ZMAT4: variants seen among roughly 807,000 people sequenced by gnomAD.
ZMAT4 encodes the protein zinc finger matrin-type 4.
ZMAT4 carries 17 observed loss-of-function variants against 28.7 expected under a neutral mutation model. That is an observed-to-expected ratio of 0.59 (90% CI 0.41 to 0.89). The LOEUF (loss-of-function observed/expected upper bound fraction) is 0.89. Ranked by LOEUF, ZMAT4 falls within the 40% of genes least tolerant of loss-of-function variation. The probability of loss-of-function intolerance (pLI) is 0.00; values close to 1 mark genes in which losing one functional copy is unlikely to be tolerated. For missense variants in ZMAT4, 240 were observed against 283.8 expected (o/e 0.85, Z 1.11); for synonymous variants, 117 against 109.2 (o/e 1.07, Z -0.44).
intron 5 of ZMAT4, among the ~76,000 whole-genome samples, chr8:40,656,322 G>C (rs1213502801): frequency 6.6e-6 from 1 of 152,046 alleles, no homozygotes; most frequent in Non-Finnish European, 1.5e-5. Context: ...TATACGAATT[G>C]GAACACTTAT....
rs1438848278 is a variant in ZMAT4, at chr8:40,828,501, G to T, written c.-4-2821C>A. ...CAGGCCCGTAGGAGTCTGAGTCTCG[G>T]TAAAGCAGCTGTGCAACAGAAATAG... On this transcript the variant is annotated intron_variant, in intron 1 of 6. Transcript: ENST00000297737. Among the ~76,000 whole-genome samples, 4 of 152,092 alleles carry T rather than the reference G, an allele frequency of 2.6e-5. No individual in the cohort carries two copies. In the East Asian group the frequency reaches 7.7e-4, roughly 29 times the overall value.
intron 5 of ZMAT4, among the ~76,000 whole-genome samples, chr8:40,582,271 C>T (rs1000567781): frequency 6.6e-6 from 1 of 152,098 alleles, no homozygotes; most frequent in Non-Finnish European, 1.5e-5. Context: ...GAGGCCGAGG[C>T]AGGAGGATAG....
intron 1 of ZMAT4, among the ~76,000 whole-genome samples, chr8:40,858,406 A>G (rs910332072): frequency 6.6e-6 from 1 of 152,212 alleles, no homozygotes; most frequent in African/African-American, 2.4e-5. Context: ...ACAGATCCTC[A>G]GTAACTGGAA....
chr8:40,833,804 T>G (rs1816378216), intron 1 of ZMAT4, among the ~76,000 whole-genome samples: 1 of 152,164 alleles, frequency 6.6e-6, no homozygotes, highest in South Asian at 2.1e-4. Flanking sequence ...TCCCTGTTCC[T>G]CAGGATAAGG....
chr8:40,859,790 G>A (rs1260599311), intron 1 of ZMAT4, among the ~76,000 whole-genome samples: 2 of 151,668 alleles, frequency 1.3e-5, no homozygotes, highest in East Asian at 3.9e-4. Context: ...GTCATGAGGG[G>A]TGAGTGGAAA....
At chr8:40,731,380 T>G (rs1425231228) in intron 3 of ZMAT4, among the ~76,000 whole-genome samples, 1 of 151,544 alleles carries the variant, frequency 6.6e-6, no homozygotes, top group African/African-American at 2.4e-5. Flanking sequence ...AATTCATACT[T>G]CAGGTTGATC....
intron 5 of ZMAT4, among the ~76,000 whole-genome samples, chr8:40,616,989 A>G (rs1383222642): frequency 1.3e-5 from 2 of 152,066 alleles, no homozygotes; most frequent in African/African-American, 4.8e-5. Context: ...AATCATTCTC[A>G]CTCATGAAGA....
intron 5 of ZMAT4, among the ~76,000 whole-genome samples, chr8:40,603,764 G>C (rs1221332760): frequency 6.6e-6 from 1 of 152,066 alleles, no homozygotes; most frequent in Non-Finnish European, 1.5e-5. Flanking sequence ...AAGTAGCTGG[G>C]ACTACAGGTG....
At chr8:40,828,731 G>A (rs35019884) in intron 1 of ZMAT4, among the ~76,000 whole-genome samples, 1 of 152,000 alleles carries the variant, frequency 6.6e-6, no homozygotes, top group Non-Finnish European at 1.5e-5. Context: ...GAGGCAATTA[G>A]TGGACAAGTG....
chr8:40,581,721 T>A (rs982511715), intron 5 of ZMAT4, among the ~76,000 whole-genome samples: 1 of 152,198 alleles, frequency 6.6e-6, no homozygotes, highest in Admixed American at 6.5e-5. Flanking sequence ...CTAGGATTAT[T>A]TTATAAAATG....
chr8:40,853,675 C>T (rs1407401506), intron 1 of ZMAT4, among the ~76,000 whole-genome samples: 3 of 152,168 alleles, frequency 2.0e-5, no homozygotes, highest in Non-Finnish European at 2.9e-5. Flanking sequence ...GGCAGTTGCA[C>T]TGATTTTCAG....
intron 3 of ZMAT4, among the ~76,000 whole-genome samples, chr8:40,758,172 G>A (rs1812772621): frequency 1.3e-5 from 2 of 152,012 alleles, no homozygotes; most frequent in Admixed American, 1.3e-4. Flanking sequence ...TCCTTAATAA[G>A]CTCCTGTTTA....
At chr8:40,777,694 G>A (rs533526753) in intron 2 of ZMAT4, among the ~76,000 whole-genome samples, 1 of 152,292 alleles carries the variant, frequency 6.6e-6, no homozygotes, top group Non-Finnish European at 1.5e-5. Context: ...CACTGATTTC[G>A]AGTGAGGTTT....
intron 6 of ZMAT4, among the ~76,000 whole-genome samples, chr8:40,550,027 C>G (rs1232255701): frequency 6.6e-6 from 1 of 152,148 alleles, no homozygotes; most frequent in Non-Finnish European, 1.5e-5. Flanking sequence ...CCCTCTCAGC[C>G]TGGAGTATCA....
intron 5 of ZMAT4, among the ~76,000 whole-genome samples, chr8:40,610,386 A>C (rs1235163425): frequency 6.6e-6 from 1 of 152,234 alleles, no homozygotes; most frequent in Non-Finnish European, 1.5e-5. Flanking sequence ...AATATTACAA[A>C]GCAAATATGG....
At chr8:40,755,346 A>G (rs1260280948) in intron 3 of ZMAT4, among the ~76,000 whole-genome samples, 1 of 152,128 alleles carries the variant, frequency 6.6e-6, no homozygotes, top group Admixed American at 6.5e-5. Flanking sequence ...TGTTGCAACT[A>G]CTCAATTCTC....
intron 5 of ZMAT4, among the ~76,000 whole-genome samples, chr8:40,646,364 CTAAG>C (rs1807314766): frequency 6.6e-6 from 1 of 151,518 alleles, no homozygotes; most frequent in African/African-American, 2.4e-5. Flanking sequence ...GGTGGTTTCT[CTAAG>C]TATTATTGTA....
At chr8:40,839,850 T>C (rs1374889769) in intron 1 of ZMAT4, among the ~76,000 whole-genome samples, 1 of 152,232 alleles carries the variant, frequency 6.6e-6, no homozygotes, top group African/African-American at 2.4e-5. Flanking sequence ...TAATGAATGA[T>C]GGCTAACCTA....
chr8:40,894,494 G>A (rs1818802789), intron 1 of ZMAT4, among the ~76,000 whole-genome samples: 1 of 152,106 alleles, frequency 6.6e-6, no homozygotes, highest in Non-Finnish European at 1.5e-5. Context: ...GGTGAATGGA[G>A]GAAGGGAGGA....
Sources: gnomAD v4.1 joint callset for allele counts (sites outside exome capture counted in the v4.1 genomes callset) on GRCh38, gnomAD v4.1.1 for gene constraint, MANE v1.5 for transcripts, NCBI Gene and HGNC (gene_info 2026-07-23, HGNC 2026-07-21) for gene names.